CADPS2: variants seen among roughly 807,000 people sequenced by gnomAD.
The protein encoded by CADPS2 is calcium-dependent secretion activator 2.
Under a neutral mutation model 172.5 loss-of-function variants are expected in CADPS2, and 93 were observed. The ratio of observed to expected loss-of-function variants is 0.54; its 90% confidence interval spans 0.46 to 0.64. The LOEUF is 0.64. CADPS2 is among the 30% of genes least tolerant of loss of function. CADPS2 has a pLI of 0.00. For missense variants in CADPS2, 1,420 were observed against 1,565.9 expected (o/e 0.91, Z 1.57); for synonymous variants, 546 against 555.2 (o/e 0.98, Z 0.23).
In CADPS2 at chr7:122,486,755, C is replaced by T. The variant is rs76325245; in HGVS notation, c.1852+3326G>A. ...CATCACATGCTACCAGAAAATCTTT[C>T]GTGAAAGAATCAGTCACTGCAGCAA... On this transcript the variant is annotated intron_variant, in intron 11 of 29. Transcript: ENST00000449022. Among the ~76,000 whole-genome samples the T allele has an allele frequency of 3.3e-5, 5 of 152,194 alleles. No homozygotes were observed. The East Asian group carries it at 7.8e-4, about 24-fold the overall frequency.
chr7:122,660,723 ACATGGTGAAACCC>A (rs1563991535), intron 3 of CADPS2, among the ~76,000 whole-genome samples: 1 of 152,096 alleles, frequency 6.6e-6, no homozygotes, highest in Non-Finnish European at 1.5e-5. Flanking sequence ...ATCCCTGCCA[ACATGGTGAAACCC>A]CATCTCTACT....
intron 8 of CADPS2, among the ~76,000 whole-genome samples, chr7:122,545,253 C>A (rs530886238): frequency 1.3e-5 from 2 of 152,072 alleles, no homozygotes; most frequent in East Asian, 1.9e-4. Context: ...TTGCAGTTAG[C>A]GGAGAGTCTG....
At chr7:122,825,532 A>C (rs115502060) in intron 1 of CADPS2, among the ~76,000 whole-genome samples, 1 of 152,338 alleles carries the variant, frequency 6.6e-6, no homozygotes, top group African/African-American at 2.4e-5. Flanking sequence ...GATTGACCAA[A>C]AGTGGTTAAT....
At chr7:122,733,790 A>G (rs2137647910) in intron 2 of CADPS2, among the ~76,000 whole-genome samples, 1 of 152,034 alleles carries the variant, frequency 6.6e-6, no homozygotes, top group South Asian at 2.1e-4. Context: ...TGAATCCTTT[A>G]TTTGCATAAG....
At chr7:122,734,367 A>AAAAAAAAAAAAAAAAAAAAAAG (rs2091957211) in intron 2 of CADPS2, among the ~76,000 whole-genome samples, 1 of 89,750 alleles carries the variant, frequency 1.1e-5, no homozygotes, top group Non-Finnish European at 2.6e-5. Flanking sequence ...AAAAAAAAAA[A>AAAAAAAAAAAAAAAAAAAAAAG]AAAAAAAAAA....
chr7:122,714,388 A>G (rs2089271654), intron 2 of CADPS2, among the ~76,000 whole-genome samples: 1 of 152,060 alleles, frequency 6.6e-6, no homozygotes, highest in Non-Finnish European at 1.5e-5. Context: ...TGTCTTTAGT[A>G]TTTAGCTTGA....
chr7:122,498,694 T>G (rs966271119), intron 9 of CADPS2, among the ~76,000 whole-genome samples: 1 of 152,200 alleles, frequency 6.6e-6, no homozygotes, highest in Admixed American at 6.5e-5. Flanking sequence ...TTTTGGAAGT[T>G]CTATATGATC....
At chr7:122,874,504 G>A (rs1820688765) in intron 1 of CADPS2, among the ~76,000 whole-genome samples, 1 of 152,138 alleles carries the variant, frequency 6.6e-6, no homozygotes, top group African/African-American at 2.4e-5. Flanking sequence ...AGCTACCATT[G>A]ACTTTCTTCA....
intron 2 of CADPS2, among the ~76,000 whole-genome samples, chr7:122,719,392 CT>C (rs11359712): frequency 0.15 from 22,109 of 151,934 alleles, 1,690 homozygotes; most frequent in Non-Finnish European, 0.16. Flanking sequence ...GACTATCCCC[CT>C]ATCCTTCTGT....
At chr7:122,554,179 G>A (rs2064706505) in intron 8 of CADPS2, among the ~76,000 whole-genome samples, 1 of 141,184 alleles carries the variant, frequency 7.1e-6, no homozygotes, top group African/African-American at 2.5e-5. Context: ...ACAGTCTATG[G>A]AAGTTTAACT....
At chr7:122,801,116 C>T (rs1424075726) in intron 1 of CADPS2, among the ~76,000 whole-genome samples, 1 of 151,414 alleles carries the variant, frequency 6.6e-6, no homozygotes, top group Non-Finnish European at 1.5e-5. Flanking sequence ...AAAGAAAGCA[C>T]ATTTAAAACT....
chr7:122,847,665 A>C (rs955828810), intron 1 of CADPS2, among the ~76,000 whole-genome samples: 9 of 152,154 alleles, frequency 5.9e-5, no homozygotes, highest in Non-Finnish European at 8.8e-5. Context: ...GGCGTGGGAA[A>C]ACTTAGATTT....
At chr7:122,590,760 C>A (rs2070666862) in intron 6 of CADPS2, among the ~76,000 whole-genome samples, 1 of 151,552 alleles carries the variant, frequency 6.6e-6, no homozygotes, top group Non-Finnish European at 1.5e-5. Flanking sequence ...CCAATATAAT[C>A]CTAAGTCAAA....
rs946937328 is a variant in CADPS2 at position 122,886,403 on chromosome 7, C to T, written c.-66G>A. On this transcript the variant is annotated 5_prime_UTR_variant, in exon 1 of 30. Transcript: ENST00000449022. ...GCGCCTCACCCCCGGCGGCTGCGCCCGCGGGTCTGAGGGAGCCGCGGGGCT... is the reference window on the plus strand; with the variant it reads ...GCGCCTCACCCCCGGCGGCTGCGCCTGCGGGTCTGAGGGAGCCGCGGGGCT... 2.1e-6 allele frequency: 3 copies of T among 1,454,228 alleles called. No homozygotes were observed. The highest frequency in any genetic ancestry group is 1.8e-6 in the Non-Finnish European group (2 of 1,114,974). The allele number at this position is 1,454,228 out of a possible 1,614,324, so 90.1% of individuals were successfully genotyped here.
intron 8 of CADPS2, among the ~76,000 whole-genome samples, chr7:122,538,144 A>C (rs377636025): frequency 1.1e-5 from 1 of 89,100 alleles, no homozygotes; most frequent in African/African-American, 4.3e-5. Flanking sequence ...ATACAAATTC[A>C]GTAAAAAAAA....
chr7:122,483,613 T>C (rs1166346147), intron 11 of CADPS2, among the ~76,000 whole-genome samples: 1 of 152,106 alleles, frequency 6.6e-6, no homozygotes, highest in African/African-American at 2.4e-5. Flanking sequence ...TTTTAATTTA[T>C]TTAAAAGATA....
chr7:122,870,035 G>T (rs941235216), intron 1 of CADPS2, among the ~76,000 whole-genome samples: 5 of 151,638 alleles, frequency 3.3e-5, no homozygotes, highest in Admixed American at 3.3e-4. Context: ...AAGAAGAGAG[G>T]AACAAAGGAT....
intron 1 of CADPS2, among the ~76,000 whole-genome samples, chr7:122,840,634 A>G (rs1303876378): frequency 1.3e-5 from 2 of 151,798 alleles, no homozygotes; most frequent in African/African-American, 4.8e-5. Context: ...TAGCCAGGAG[A>G]GGCAGGCATG....
chr7:122,877,151 CAGTAAAACAAA>C (rs1272450622), intron 1 of CADPS2, among the ~76,000 whole-genome samples: 1 of 152,028 alleles, frequency 6.6e-6, no homozygotes, highest in African/African-American at 2.4e-5. Context: ...TCTGTCACAT[CAGTAAAACAAA>C]ACTAGGCATT....
Sources: gnomAD v4.1 joint callset for allele counts (sites outside exome capture counted in the v4.1 genomes callset) on GRCh38, gnomAD v4.1.1 for gene constraint, MANE v1.5 for transcripts, NCBI Gene and HGNC (gene_info 2026-07-23, HGNC 2026-07-21) for gene names.